Variants in SETBP1 observed in about 807,000 individuals in gnomAD.
SETBP1 encodes SET-binding protein.
Under a neutral mutation model 101.0 loss-of-function variants are expected in SETBP1, and 9 were observed. That is an observed-to-expected ratio of 0.09 (90% confidence interval 0.05 to 0.16). The LOEUF (loss-of-function observed/expected upper bound fraction) is 0.16. Ranked by LOEUF, SETBP1 falls within the 10% of genes least tolerant of loss-of-function variation. The pLI, the probability that SETBP1 is intolerant of heterozygous loss-of-function variation, is 1.00. For synonymous variants in SETBP1, 818 were observed against 788.5 expected (o/e 1.04, Z -0.63); for missense variants, 1,858 against 2,033.8 (o/e 0.91, Z 1.66).
chr18:44,865,595 C>G (rs1472117809), intron 2 of SETBP1, among the ~76,000 whole-genome samples: 1 of 152,194 alleles, frequency 6.6e-6, no homozygotes, highest in Non-Finnish European at 1.5e-5. Context: ...GTTTCTCCAT[C>G]CCTTGGTGTG....
At chr18:44,946,178 C>T (rs898526283) in intron 3 of SETBP1, among the ~76,000 whole-genome samples, 15 of 152,166 alleles carry the variant, frequency 9.9e-5, no homozygotes, top group Admixed American at 2.0e-4. Flanking sequence ...AGCACCATTC[C>T]CCCCATTACT....
intron 3 of SETBP1, chr18:44,869,521 A>G (rs1286235452): frequency 1.9e-6 from 1 of 517,310 alleles, no homozygotes; most frequent in African/African-American, 1.9e-5. Flanking sequence ...GGAGAAAAAT[A>G]TATAGAGATC....
intron 1 of SETBP1, among the ~76,000 whole-genome samples, chr18:44,684,990 A>T (rs1425332542): frequency 1.3e-5 from 2 of 152,164 alleles, no homozygotes; most frequent in Non-Finnish European, 2.9e-5. Flanking sequence ...AGAAACCAGC[A>T]GTTGACTTCC....
At chr18:45,001,051 CTCATTCAT>C (rs368947272) in intron 4 of SETBP1, among the ~76,000 whole-genome samples, 7 of 152,192 alleles carry the variant, frequency 4.6e-5, no homozygotes, top group South Asian at 4.1e-4. Flanking sequence ...CATCCATTTG[CTCATTCAT>C]TCATTCATTC....
In SETBP1 at chr18:44,880,832, C is replaced by T. The variant is rs990413214; in HGVS notation, c.540+11549C>T. ...GAGGGATCTGCCCCCATGGTCCAAA[C>T]ACCTCCCACAAGGCTCCACCTCCAA... On this transcript the variant is annotated intron_variant, in intron 3 of 5. Transcript: ENST00000649279. 2.6e-5 allele frequency among the ~76,000 whole-genome samples: 4 copies of T among 152,152 alleles called. No homozygotes were observed. In the South Asian group the frequency reaches 6.2e-4, roughly 24 times the overall value.
At chr18:44,847,402 G>C (rs981378953) in intron 2 of SETBP1, among the ~76,000 whole-genome samples, 1 of 152,168 alleles carries the variant, frequency 6.6e-6, no homozygotes, top group Non-Finnish European at 1.5e-5. Flanking sequence ...ATGAGTGAAG[G>C]AATCCAGGGT....
chr18:44,962,364 C>T (rs2071630222), intron 4 of SETBP1, among the ~76,000 whole-genome samples: 1 of 152,078 alleles, frequency 6.6e-6, no homozygotes, highest in Admixed American at 6.6e-5. Flanking sequence ...TTTTAAGAGG[C>T]ACAGCTACCG....
In SETBP1 at chr18:44,881,602, G is replaced by A. The variant is rs138504912; in HGVS notation, c.540+12319G>A. Among the ~76,000 whole-genome samples, 542 of 152,268 alleles carry A rather than the reference G, an allele frequency of 3.6e-3. 2 individuals carry two copies. The highest frequency in any genetic ancestry group is 0.012 in the African/African-American group (486 of 41,548). ...GATGTGTTTAGTGCAATCAGGCATC[G>A]GACTCTTGCAGGGGCCTGATGGGTT... On this transcript the variant is annotated intron_variant, in intron 3 of 5. Transcript: ENST00000649279.
intron 2 of SETBP1, among the ~76,000 whole-genome samples, chr18:44,817,419 C>T (rs1052700648): frequency 6.6e-6 from 1 of 152,108 alleles, no homozygotes; most frequent in Non-Finnish European, 1.5e-5. Flanking sequence ...CAAGAGGTGG[C>T]TCACCCCTGT....
At chr18:44,900,172 G>A (rs1483811385) in intron 3 of SETBP1, among the ~76,000 whole-genome samples, 2 of 152,206 alleles carry the variant, frequency 1.3e-5, no homozygotes, top group African/African-American at 2.4e-5. Context: ...TAGGACAACA[G>A]CATCATTAGT....
intron 2 of SETBP1, among the ~76,000 whole-genome samples, chr18:44,830,067 T>A (rs2072325948): frequency 6.6e-6 from 1 of 152,206 alleles, no homozygotes; most frequent in Admixed American, 6.5e-5. Context: ...AAAATTATAT[T>A]GTAAAAAATT....
chr18:44,683,085 C>G lies in SETBP1; in HGVS notation c.-173+2064C>G, dbSNP rs1598985101. ...CAGTAGTGTCGGTTAAGAAGGGGGC[C>G]ACTTCTAGCTTGGGAGAAAATATCA... On this transcript the variant is annotated intron_variant, in intron 1 of 5. Coordinates refer to ENST00000649279, the MANE Select transcript of SETBP1 (RefSeq NM_015559.3). Among the ~76,000 whole-genome samples the G allele has an allele frequency of 2.0e-5, 3 of 152,130 alleles. 1 individual carries two copies. In the East Asian group the frequency reaches 5.8e-4, roughly 29 times the overall value.
rs544785731 is a variant in SETBP1 at position 44,813,195 on chromosome 18, A to G, written c.487-56035A>G. ...AAACAAAATTAAAGTTGAACACTCC[A>G]TTCTGTGGCCATGTCCTTTCAGGCT... On this transcript the variant is annotated intron_variant, in intron 2 of 5. Coordinates refer to ENST00000649279, the MANE Select transcript of SETBP1 (RefSeq NM_015559.3). 3.9e-5 allele frequency among the ~76,000 whole-genome samples: 6 copies of G among 152,334 alleles called. 1 individual carries two copies. The highest frequency in any genetic ancestry group is 1.4e-4 in the African/African-American group (6 of 41,570).
chr18:44,837,383 TC>T (rs1326453971), intron 2 of SETBP1, among the ~76,000 whole-genome samples: 1 of 152,258 alleles, frequency 6.6e-6, no homozygotes, highest in African/African-American at 2.4e-5. Flanking sequence ...CAAGCCTTTT[TC>T]TTTCTAAATC....
intron 2 of SETBP1, among the ~76,000 whole-genome samples, chr18:44,808,135 C>G (rs1170685903): frequency 3.3e-5 from 5 of 152,194 alleles, no homozygotes; most frequent in Non-Finnish European, 1.5e-5. Flanking sequence ...AGCCAAGAGG[C>G]AGTAACAGCT....
At chr18:44,839,165 T>A (rs2072560421) in intron 2 of SETBP1, among the ~76,000 whole-genome samples, 1 of 152,116 alleles carries the variant, frequency 6.6e-6, no homozygotes, top group African/African-American at 2.4e-5. Flanking sequence ...AAGCACTGCT[T>A]CTGGAGGGCC....
intron 4 of SETBP1, among the ~76,000 whole-genome samples, chr18:45,028,124 T>C (rs1316639088): frequency 5.9e-5 from 9 of 151,930 alleles, no homozygotes; most frequent in African/African-American, 1.7e-4. Context: ...ACTCGTCATT[T>C]AGCATTAGGT....
rs1380272330 is a variant in SETBP1 at position 44,952,905 on chromosome 18, C to T, written c.3565C>T (p.Arg1189Trp). The T allele has an allele frequency of 9.3e-6, 15 of 1,614,008 alleles. No homozygotes were observed. Among genetic ancestry groups the T allele is most frequent in the East Asian group, 2.2e-5 (1 of 44,892 alleles). The change falls in exon 4 of 6, where the codon CGG (arginine) becomes TGG (tryptophan). Residue 1189 changes from arginine to tryptophan, a missense_variant. Physicochemically the swap from Arg to Trp is moderately radical, Grantham distance 101. Around this residue, in one of 12 missense-constraint regions of SETBP1, gnomAD observed 417 missense variants for 389.1 expected, o/e 1.07. Coordinates refer to ENST00000649279, the MANE Select transcript of SETBP1 (RefSeq NM_015559.3). The stretch of plus-strand genomic sequence containing the variant: ...CTTCTCCAGCCACATCCTGAGCGAG[C>T]GGCTGAGTAGCGCAGACAAAGAGCT... ...TGFSSHILSE[R>W]LSSADKELPL...
chr18:44,890,452 C>G (rs756270068), intron 3 of SETBP1, among the ~76,000 whole-genome samples: 2 of 152,124 alleles, frequency 1.3e-5, no homozygotes. Flanking sequence ...TTAGGAAACT[C>G]TAGCAGATGG....
Sources: gnomAD v4.1 joint callset for allele counts (sites outside exome capture counted in the v4.1 genomes callset) on GRCh38, gnomAD v4.1.1 for gene constraint, gnomAD v4.1.1 regional missense constraint, MANE v1.5 for transcripts, NCBI Gene and HGNC (gene_info 2026-07-23, HGNC 2026-07-21) for gene names.